The following FGF13 variants were observed in gnomAD, a reference collection of about 807,000 sequenced individuals.
The protein encoded by FGF13 is fibroblast growth factor 13, also known as fibroblast growth factor homologous factor 2.
A neutral mutation model predicts 19.5 loss-of-function variants in FGF13; 2 were observed. The ratio of observed to expected loss-of-function variants is 0.10; its 90% CI spans 0.04 to 0.32. FGF13 has a LOEUF of 0.32. Among genes scored for constraint, FGF13 ranks in the 10% least tolerant of loss-of-function variants. The probability of loss-of-function intolerance (pLI) is 1.00; values close to 1 mark genes in which losing one functional copy is unlikely to be tolerated. For missense variants in FGF13, 113 were observed against 192.7 expected (o/e 0.59, Z 2.45); for synonymous variants, 72 against 76.9 (o/e 0.94, Z 0.33).
intron 3 of FGF13, among the ~76,000 whole-genome samples, chrX:138,783,890 C>T (rs1204353383): frequency 1.8e-5 from 2 of 109,507 alleles, no homozygotes; most frequent in Admixed American, 9.8e-5. Flanking sequence ...ACATTATTCA[C>T]GATAGCAAAG....
intron 1 of FGF13, among the ~76,000 whole-genome samples, chrX:139,166,429 C>G (rs1230635500): frequency 8.9e-6 from 1 of 111,995 alleles, no homozygotes; most frequent in East Asian, 2.8e-4. Flanking sequence ...TCAATTAAAT[C>G]TCTTTCCTTT....
chrX:139,124,340 CTT>C (rs746046922), intron 1 of FGF13, among the ~76,000 whole-genome samples: 4 of 112,175 alleles, frequency 3.6e-5, no homozygotes, highest in Admixed American at 9.5e-5. Context: ...ACGTAGAAAT[CTT>C]TTCACAACTA....
intron 1 of FGF13, among the ~76,000 whole-genome samples, chrX:139,112,583 C>T (rs144151377): frequency 0.023 from 2,607 of 111,646 alleles, 88 homozygotes; most frequent in African/African-American, 0.08. Flanking sequence ...GACCTTAGGC[C>T]CTGGATCCAG....
At chrX:139,085,811 T>C (rs1411860749) in intron 1 of FGF13, among the ~76,000 whole-genome samples, 1 of 112,459 alleles carries the variant, frequency 8.9e-6, no homozygotes, top group African/African-American at 3.2e-5. Context: ...TCTGAAACTA[T>C]ATTTATTGAC....
chrX:138,958,325 C>T (rs759852690), intron 1 of FGF13, among the ~76,000 whole-genome samples: 7 of 111,736 alleles, frequency 6.3e-5, no homozygotes, highest in Admixed American at 1.9e-4. Flanking sequence ...TGATGGACTA[C>T]GTTTATTGAT....
At chrX:139,190,755 C>T (rs1448461019) in intron 1 of FGF13, among the ~76,000 whole-genome samples, 6 of 111,570 alleles carry the variant, frequency 5.4e-5, no homozygotes, top group African/African-American at 2.0e-4. Flanking sequence ...GTATATTTTG[C>T]CACAGTAAAC....
In FGF13 at chrX:138,874,193, A is replaced by G. The variant is rs1041750184; in HGVS notation, c.-112-9543T>C. On this transcript the variant is annotated intron_variant, in intron 1 of 2. Transcript: ENST00000421460. ...ATATATATAAAGTAAAATTAAAAAAAAAAAACCATTTCCCAATTCTCATAC... is the reference window on the plus strand; with the variant it reads ...ATATATATAAAGTAAAATTAAAAAAGAAAAACCATTTCCCAATTCTCATAC... Among the ~76,000 whole-genome samples the G allele has an allele frequency of 2.8e-5, 3 of 106,453 alleles. No individual in the cohort carries two copies. In the East Asian group the frequency reaches 8.7e-4, roughly 31 times the overall value. 92.4% of individuals were successfully genotyped at this position (106,453 alleles called of 115,157 possible). A position where few individuals can be genotyped will look rare whatever the true frequency, so the allele number is the denominator to read the frequency against.
At chrX:138,768,440 G>A (rs1435718881) in intron 3 of FGF13, among the ~76,000 whole-genome samples, 1 of 109,438 alleles carries the variant, frequency 9.1e-6, no homozygotes, top group East Asian at 2.9e-4. Context: ...GCTCTTTTTG[G>A]GGGTGCTGGT....
At chrX:138,994,103 A>G (rs2092031265) in intron 1 of FGF13, among the ~76,000 whole-genome samples, 1 of 111,908 alleles carries the variant, frequency 8.9e-6, no homozygotes, top group Middle Eastern at 4.2e-3. Flanking sequence ...TCAGACTGCT[A>G]TAACAAAACA....
chrX:139,126,094 A>T (rs1175409885), intron 1 of FGF13, among the ~76,000 whole-genome samples: 5 of 112,153 alleles, frequency 4.5e-5, no homozygotes, highest in Non-Finnish European at 9.4e-5. Flanking sequence ...TGGCTACAAC[A>T]GTAAAGGTCA....
At chrX:138,924,351 A>G (rs753607422) in intron 1 of FGF13, among the ~76,000 whole-genome samples, 1 of 111,687 alleles carries the variant, frequency 9.0e-6, no homozygotes, top group South Asian at 3.8e-4. Flanking sequence ...GGCCACTAGA[A>G]GCACCAGGCT....
intron 3 of FGF13, among the ~76,000 whole-genome samples, chrX:138,832,914 A>T (rs879202311): frequency 8.9e-6 from 1 of 112,038 alleles, no homozygotes; most frequent in African/African-American, 3.2e-5. Flanking sequence ...TTTATTGAAT[A>T]GTGACTCCTT....
At chrX:138,985,787 T>C (rs2091992485) in intron 1 of FGF13, among the ~76,000 whole-genome samples, 1 of 112,521 alleles carries the variant, frequency 8.9e-6, no homozygotes, top group African/African-American at 3.2e-5. Flanking sequence ...TATTATTTTC[T>C]CAGCAGAATG....
At chrX:139,173,546 T>C (rs2084151775) in intron 1 of FGF13, among the ~76,000 whole-genome samples, 1 of 110,314 alleles carries the variant, frequency 9.1e-6, no homozygotes, top group East Asian at 2.8e-4. Context: ...ATGCTATCCG[T>C]CCCCTAGTCC....
intron 1 of FGF13, among the ~76,000 whole-genome samples, chrX:138,996,853 G>A (rs1360380273): frequency 1.8e-5 from 2 of 112,138 alleles, no homozygotes; most frequent in African/African-American, 6.5e-5. Context: ...GCCTCCTCAA[G>A]TGGGTCCCTG....
chrX:138,820,229 T>C (rs948395959), intron 3 of FGF13, among the ~76,000 whole-genome samples: 12 of 112,136 alleles, frequency 1.1e-4, no homozygotes, highest in Admixed American at 6.7e-4. Context: ...ACCATTCCTG[T>C]CCTCAAATAA....
At chrX:139,052,089 C>T (rs1603161492) in intron 1 of FGF13, among the ~76,000 whole-genome samples, 1 of 111,203 alleles carries the variant, frequency 9.0e-6, no homozygotes, top group East Asian at 2.8e-4. Context: ...TGGAACCTAG[C>T]ACTGGTAATA....
intron 1 of FGF13, among the ~76,000 whole-genome samples, chrX:139,046,384 A>AT (rs2092287369): frequency 9.0e-6 from 1 of 111,642 alleles, no homozygotes; most frequent in Admixed American, 9.5e-5. Context: ...TCAACATGAG[A>AT]TTTTGGGGAC....
At chrX:139,128,782 T>A (rs1249909108) in intron 1 of FGF13, among the ~76,000 whole-genome samples, 2 of 112,015 alleles carry the variant, frequency 1.8e-5, no homozygotes, top group Non-Finnish European at 3.8e-5. Context: ...GGCACTGTGC[T>A]AATCAGTCAA....
Sources: gnomAD v4.1 joint callset for allele counts (sites outside exome capture counted in the v4.1 genomes callset) on GRCh38, gnomAD v4.1.1 for gene constraint, MANE v1.5 for transcripts, NCBI Gene and HGNC (gene_info 2026-07-23, HGNC 2026-07-21) for gene names.